CFH: variants seen among roughly 807,000 people sequenced by gnomAD.
CFH encodes the protein complement factor H.
CFH carries 53 observed loss-of-function variants against 147.3 expected under a neutral mutation model. The ratio of observed to expected loss-of-function variants is 0.36; its 90% CI spans 0.29 to 0.45. The LOEUF is 0.45. CFH is among the 20% of genes least tolerant of loss of function. The pLI, the probability that CFH is intolerant of heterozygous loss-of-function variation, is 1.00. For synonymous variants in CFH, 536 were observed against 489.4 expected (o/e 1.10, Z -1.26); for missense variants, 1,380 against 1,498.0 (o/e 0.92, Z 1.30).
At chr1:196,736,574 C>A (rs1015366440) in intron 15 of CFH, among the ~76,000 whole-genome samples, 3 of 151,572 alleles carry the variant, frequency 2.0e-5, no homozygotes, top group African/African-American at 7.3e-5. Context: ...TATGAAAAAA[C>A]TACAAGAAAG....
chr1:196,742,540 G>A (rs1008072818), intron 19 of CFH, among the ~76,000 whole-genome samples: 3 of 152,144 alleles, frequency 2.0e-5, no homozygotes, highest in Admixed American at 1.3e-4. Flanking sequence ...TAAAAAGATG[G>A]AACTGAGTAT....
chr1:196,725,859 C>T (rs920477509), intron 12 of CFH, among the ~76,000 whole-genome samples: 1 of 152,166 alleles, frequency 6.6e-6, no homozygotes, highest in African/African-American at 2.4e-5. Flanking sequence ...ATGATCCAAA[C>T]ATCTCCCATT....
At chr1:196,718,130 T>C (rs1284340495) in intron 11 of CFH, among the ~76,000 whole-genome samples, 1 of 152,086 alleles carries the variant, frequency 6.6e-6, no homozygotes, top group East Asian at 1.9e-4. Flanking sequence ...CCTGCTGTTG[T>C]AAACACCTAT....
intron 1 of CFH, among the ~76,000 whole-genome samples, chr1:196,663,031 T>A (rs1018452413): frequency 6.6e-6 from 1 of 152,208 alleles, no homozygotes; most frequent in South Asian, 2.1e-4. Context: ...TCTTTGTAAA[T>A]CTAACCATTA....
chr1:196,727,204 C>A (rs993190695), intron 14 of CFH, among the ~76,000 whole-genome samples: 9 of 152,064 alleles, frequency 5.9e-5, no homozygotes, highest in African/African-American at 2.2e-4. Flanking sequence ...ATTTTACTTA[C>A]AAAAATTGTC....
At chr1:196,723,269 G>A (rs968417863) in intron 11 of CFH, among the ~76,000 whole-genome samples, 8 of 151,864 alleles carry the variant, frequency 5.3e-5, no homozygotes, top group African/African-American at 1.5e-4. Context: ...ATATGACTAC[G>A]ATGTATGTTG....
At chr1:196,667,836 A>G (rs1476308566) in intron 1 of CFH, among the ~76,000 whole-genome samples, 1 of 152,086 alleles carries the variant, frequency 6.6e-6, no homozygotes, top group African/African-American at 2.4e-5. Context: ...ATGTATCTCA[A>G]TATTATTGGT....
chr1:196,659,530 G>A (rs973665204), intron 1 of CFH, among the ~76,000 whole-genome samples: 1 of 152,186 alleles, frequency 6.6e-6, no homozygotes, highest in Non-Finnish European at 1.5e-5. Context: ...CATAGGCAGT[G>A]TGCCCACAGT....
Position 196,733,933 on chromosome 1 carries a change from C to T in CFH, c.2414-2891C>T, listed in dbSNP as rs146500462. 2.4e-3 allele frequency among the ~76,000 whole-genome samples: 361 copies of T among 152,108 alleles called. 1 individual carries two copies. The highest frequency in any genetic ancestry group is 8.2e-3 in the African/African-American group (340 of 41,534). ...GAGAAACAGGGGACTGTTTTTTCAG[C>T]CCCTTCTCTGAACTGCTATTAAGGA... is the stretch of plus-strand genomic sequence containing the variant. On this transcript the variant is annotated intron_variant, in intron 15 of 21. Coordinates refer to ENST00000367429, the MANE Select transcript of CFH (RefSeq NM_000186.4).
intron 9 of CFH, among the ~76,000 whole-genome samples, chr1:196,697,365 C>T (rs1433456241): frequency 6.6e-6 from 1 of 152,176 alleles, no homozygotes; most frequent in Non-Finnish European, 1.5e-5. Context: ...AGACACTTCT[C>T]AAAAGAAGAC....
At chr1:196,666,438 A>G (rs1287766961) in intron 1 of CFH, among the ~76,000 whole-genome samples, 2 of 151,722 alleles carry the variant, frequency 1.3e-5, no homozygotes, top group African/African-American at 4.8e-5. Context: ...ATTATTGTTT[A>G]TTTCAAATCA....
chr1:196,711,383 G>A (rs1054283747), intron 9 of CFH, among the ~76,000 whole-genome samples: 4 of 152,056 alleles, frequency 2.6e-5, no homozygotes, highest in Non-Finnish European at 5.9e-5. Context: ...ATCAGTGTTT[G>A]GCTGGAGTAG....
At position 196,689,465 on chromosome 1, in the gene CFH, A is replaced by G. The variant is rs550898254; in HGVS notation, c.1010A>G (p.His337Arg). 5.0e-6 allele frequency: 8 copies of G among 1,613,454 alleles called. No individual in the cohort carries two copies. Among genetic ancestry groups the G allele is most frequent in the South Asian group, 4.4e-5 (4 of 91,082 alleles). ...GACATTAAACATGGAGGTCTATATC[A>G]TGAGAATATGCGTAGACCATACTTT... is the stretch of plus-strand genomic sequence containing the variant. ...YPDIKHGGLY[H>R]ENMRRPYFPV... Residue 337 changes from histidine (H) to arginine (R), a missense_variant, in exon 8 of 22, where the codon CAT (histidine) becomes CGT (arginine). This residue lies in a region of CFH where 167 missense variants were observed against 228.0 expected (regional missense o/e 0.73). Coordinates refer to ENST00000367429, the MANE Select transcript of CFH (RefSeq NM_000186.4).
At chr1:196,666,976 A>G (rs1453049177) in intron 1 of CFH, among the ~76,000 whole-genome samples, 1 of 152,110 alleles carries the variant, frequency 6.6e-6, no homozygotes, top group African/African-American at 2.4e-5. Context: ...ATTGTTGAAG[A>G]CAGTGTTTTA....
chr1:196,699,107 T>C (rs1488859439), intron 9 of CFH, among the ~76,000 whole-genome samples: 10 of 152,162 alleles, frequency 6.6e-5, no homozygotes, highest in Non-Finnish European at 1.5e-5. Context: ...ATACTAAATA[T>C]GTGTTCATTT....
Position 196,685,135 on chromosome 1 carries a change from G to A in CFH, c.862G>A (p.Asp288Asn). ...SPLRIKHRTG[D>N]EITYQCRNGF... ...TTTAAGGATTAAACACAGAACTGGA[G>A]ATGAAATCACGTACCAGTGTAGAAA... Residue 288 changes from aspartate (D) to asparagine (N), a missense_variant, in exon 7 of 22, where the codon GAT (aspartate) becomes AAT (asparagine). Physicochemically the swap from Asp to Asn is conservative, Grantham distance 23 (BLOSUM62 1). Transcript: ENST00000367429. 5 of 1,612,608 alleles carry A rather than the reference G, an allele frequency of 3.1e-6. No individual in the cohort carries two copies. Among genetic ancestry groups the A allele is most frequent in the Non-Finnish European group, 4.2e-6 (5 of 1,178,964 alleles).
intron 9 of CFH, among the ~76,000 whole-genome samples, chr1:196,693,823 T>C (rs1186512507): frequency 1.3e-5 from 2 of 152,136 alleles, no homozygotes; most frequent in Non-Finnish European, 2.9e-5. Flanking sequence ...CATTCATGTG[T>C]TGAAGGGCAT....
rs571624474 is a variant in CFH, at chr1:196,658,293, G to A, written c.58+6118G>A. 2.9e-4 allele frequency among the ~76,000 whole-genome samples: 44 copies of A among 151,844 alleles called. 1 individual carries two copies. Among genetic ancestry groups the A allele is most frequent in the Non-Finnish European group, 1.8e-4 (12 of 67,980 alleles). On this transcript the variant is annotated intron_variant, in intron 1 of 21. Coordinates refer to ENST00000367429, the MANE Select transcript of CFH (RefSeq NM_000186.4). ...GACAGGGAATCACTTTGTCACCCAG[G>A]CTGCAGCGTACTGGTGCAATCATGG...
intron 1 of CFH, among the ~76,000 whole-genome samples, chr1:196,660,069 G>C (rs1666849886): frequency 6.6e-6 from 1 of 152,148 alleles, no homozygotes; most frequent in Non-Finnish European, 1.5e-5. Flanking sequence ...GGGGATGGTA[G>C]TATGTAGAGA....
Sources: allele counts gnomAD v4.1 joint callset (sites outside exome capture counted in the v4.1 genomes callset), GRCh38; gene constraint gnomAD v4.1.1; regional missense constraint gnomAD v4.1.1; transcripts MANE v1.5; gene names NCBI Gene and HGNC (gene_info 2026-07-23, HGNC 2026-07-21).